The following RSRC1 variants were observed in gnomAD, a reference collection of about 807,000 sequenced individuals.
The protein encoded by RSRC1 is arginine and serine rich coiled-coil 1, also known as serine/Arginine-related protein 53.
A neutral mutation model predicts 49.1 loss-of-function variants in RSRC1; 39 were observed. The observed-to-expected ratio is 0.79, with a 90% CI of 0.61 to 1.04. RSRC1 has a LOEUF of 1.04. Among genes scored for constraint, RSRC1 ranks in the 50% least tolerant of loss-of-function variants. The probability of loss-of-function intolerance (pLI) is 0.00; values close to 1 mark genes in which losing one functional copy is unlikely to be tolerated. For synonymous variants in RSRC1, 143 were observed against 130.8 expected (o/e 1.09, Z -0.63); for missense variants, 388 against 402.4 (o/e 0.96, Z 0.31).
At chr3:158,272,633 A>G (rs916770787) in intron 4 of RSRC1, among the ~76,000 whole-genome samples, 2 of 152,192 alleles carry the variant, frequency 1.3e-5, no homozygotes, top group Middle Eastern at 3.4e-3. Flanking sequence ...TACAGTAGTA[A>G]CTGGGGGAAA....
At chr3:158,229,251 CAT>C (rs1447739479) in intron 4 of RSRC1, among the ~76,000 whole-genome samples, 37 of 147,194 alleles carry the variant, frequency 2.5e-4, no homozygotes, top group Admixed American at 5.5e-4. Context: ...TGTATATAAA[CAT>C]ACATGTATAT....
At chr3:158,250,382 A>G (rs575690231) in intron 4 of RSRC1, among the ~76,000 whole-genome samples, 8 of 152,288 alleles carry the variant, frequency 5.3e-5, no homozygotes, top group African/African-American at 1.9e-4. Context: ...TTTTATGAGG[A>G]ACCTCCACAC....
intron 7 of RSRC1, among the ~76,000 whole-genome samples, chr3:158,466,544 A>C (rs1737899158): frequency 6.6e-6 from 1 of 152,196 alleles, no homozygotes; most frequent in Admixed American, 6.5e-5. Context: ...CCTGAGAGTA[A>C]CTTAGAGAAG....
rs1256853944 is a variant in RSRC1, at chr3:158,545,202, T to TC, written c.*927_*928insC. ...TTCCCGTTTCTATTTTCTTTTTTTT[T>TC]TTTTTTTTTTTTTTTTTGAGACGGA... On this transcript the variant is annotated 3_prime_UTR_variant, in exon 10 of 10. Coordinates refer to ENST00000611884, the MANE Select transcript of RSRC1 (RefSeq NM_001271838.2). The TC allele has an allele frequency of 9.5e-6, 1 of 105,632 alleles. No homozygotes were observed. Among genetic ancestry groups the TC allele is most frequent in the African/African-American group, 3.1e-5 (1 of 32,040 alleles). 6.5% of individuals were successfully genotyped at this position (105,632 alleles called of 1,614,324 possible).
chr3:158,356,890 T>C (rs1399835767), intron 6 of RSRC1, among the ~76,000 whole-genome samples: 1 of 152,118 alleles, frequency 6.6e-6, no homozygotes, highest in East Asian at 1.9e-4. Context: ...AAAATAGATG[T>C]GATACTCCAG....
chr3:158,428,566 G>T (rs1424813360), intron 6 of RSRC1, among the ~76,000 whole-genome samples: 1 of 151,788 alleles, frequency 6.6e-6, no homozygotes, highest in Non-Finnish European at 1.5e-5. Flanking sequence ...CATTGAATCA[G>T]TTAATACATG....
At chr3:158,231,484 A>G (rs1321600369) in intron 4 of RSRC1, among the ~76,000 whole-genome samples, 1 of 152,044 alleles carries the variant, frequency 6.6e-6, no homozygotes, top group Non-Finnish European at 1.5e-5. Context: ...CAAAATTACT[A>G]AGGCCCACAT....
chr3:158,350,945 T>C (rs1044563375), intron 5 of RSRC1, among the ~76,000 whole-genome samples: 1 of 152,176 alleles, frequency 6.6e-6, no homozygotes, highest in African/African-American at 2.4e-5. Context: ...GATAGGTAAC[T>C]AAAAATGGGT....
Position 158,123,629 on chromosome 3 carries a change from GA to G in RSRC1, c.195-236del, listed in dbSNP as rs1715431863. On this transcript the variant is annotated intron_variant, in intron 2 of 9. Transcript: ENST00000611884. Reference sequence around the variant, plus strand: ...TAGTTTTCATACCATATAATCTGATGATATTTGGAAAGATTCTAAGACCCTT... The same window carrying G: ...TAGTTTTCATACCATATAATCTGATGTATTTGGAAAGATTCTAAGACCCTT... Among the ~76,000 whole-genome samples the G allele has an allele frequency of 3.3e-5, 5 of 152,048 alleles. No homozygotes were observed. In the South Asian group the frequency reaches 1.0e-3, roughly 32 times the overall value.
chr3:158,322,226 G>A (rs1459755220), intron 5 of RSRC1, among the ~76,000 whole-genome samples: 2 of 152,078 alleles, frequency 1.3e-5, no homozygotes, highest in Non-Finnish European at 2.9e-5. Context: ...TAGAATTGTT[G>A]CTTGAAGGAT....
intron 4 of RSRC1, chr3:158,275,689 C>T (rs1725769348): frequency 5.1e-6 from 2 of 395,884 alleles, no homozygotes; most frequent in African/African-American, 4.2e-5. Flanking sequence ...CTTTAACTTT[C>T]TTAATTTGAT....
rs540733911 is a variant in RSRC1 at position 158,423,685 on chromosome 3, G to A, written c.584-37250G>A. ...CCTTGGGCAGTATGGCCATTTTCAC[G>A]ATATTGATTCTTCCTACCAATGAGC... is the stretch of plus-strand genomic sequence containing the variant. On this transcript the variant is annotated intron_variant, in intron 6 of 9. Coordinates refer to ENST00000611884, the MANE Select transcript of RSRC1 (RefSeq NM_001271838.2). Among the ~76,000 whole-genome samples the A allele has an allele frequency of 1.8e-3, 275 of 152,190 alleles. 1 individual carries two copies. The highest frequency in any genetic ancestry group is 6.3e-3 in the African/African-American group (262 of 41,536).
At chr3:158,376,208 T>TTA (rs1266338255) in intron 6 of RSRC1, among the ~76,000 whole-genome samples, 1 of 145,766 alleles carries the variant, frequency 6.9e-6, no homozygotes, top group Non-Finnish European at 1.5e-5. Flanking sequence ...TTTTTTTTTT[T>TTA]AAAGACAGAG....
At chr3:158,181,917 ATAT>A (rs1559932534) in intron 3 of RSRC1, among the ~76,000 whole-genome samples, 1 of 152,182 alleles carries the variant, frequency 6.6e-6, no homozygotes, top group Non-Finnish European at 1.5e-5. Context: ...GGCACCTGGA[ATAT>A]TATTAGTAAA....
Position 158,424,483 on chromosome 3 carries a change from G to A in RSRC1, c.584-36452G>A, listed in dbSNP as rs1375841988. On this transcript the variant is annotated intron_variant, in intron 6 of 9. Transcript: ENST00000611884. ...ATGTGCTGCTGGATTCGGTTTGCCAGTATTTTATTGAGGATTTTTGCATCA... is the reference window on the plus strand; with the variant it reads ...ATGTGCTGCTGGATTCGGTTTGCCAATATTTTATTGAGGATTTTTGCATCA... 3.3e-5 allele frequency among the ~76,000 whole-genome samples: 5 copies of A among 150,504 alleles called. No individual in the cohort carries two copies. The East Asian group carries it at 5.9e-4, about 18-fold the overall frequency.
rs573713537 is a variant in RSRC1 at position 158,146,927 on chromosome 3, T to A, written c.320+22936T>A. Among the ~76,000 whole-genome samples, 4 of 152,142 alleles carry A rather than the reference T, an allele frequency of 2.6e-5. No individual in the cohort carries two copies. The South Asian group carries it at 8.3e-4, about 32-fold the overall frequency. On this transcript the variant is annotated intron_variant, in intron 3 of 9. Transcript: ENST00000611884. The stretch of plus-strand genomic sequence containing the variant: ...TTCTAGCTAAGATTGGCTTTTTTAT[T>A]AAGAAAATTTCAAACATACTCAAGA...
chr3:158,494,983 A>G (rs1450507755), intron 7 of RSRC1, among the ~76,000 whole-genome samples: 2 of 152,240 alleles, frequency 1.3e-5, no homozygotes, highest in East Asian at 1.9e-4. Flanking sequence ...ATCAGCAAGT[A>G]TTATGTGCTC....
intron 4 of RSRC1, among the ~76,000 whole-genome samples, chr3:158,289,510 C>G (rs1339030926): frequency 1.3e-5 from 2 of 152,170 alleles, no homozygotes; most frequent in Non-Finnish European, 2.9e-5. Context: ...CTTACCTGTG[C>G]AAATGATTTA....
chr3:158,209,298 C>G (rs1372872742), intron 4 of RSRC1, among the ~76,000 whole-genome samples: 1 of 152,056 alleles, frequency 6.6e-6, no homozygotes, highest in African/African-American at 2.4e-5. Flanking sequence ...GAGTAGGTTT[C>G]TTATAAGGCT....
Sources: gnomAD v4.1 joint callset for allele counts (sites outside exome capture counted in the v4.1 genomes callset) on GRCh38, gnomAD v4.1.1 for gene constraint, MANE v1.5 for transcripts, NCBI Gene and HGNC (gene_info 2026-07-23, HGNC 2026-07-21) for gene names.